The following MORC1 variants were observed in gnomAD, a reference collection of about 807,000 sequenced individuals.
MORC1 encodes MORC family CW-type zinc finger 1.
A neutral mutation model predicts 134.9 loss-of-function variants in MORC1; 59 were observed. That is an observed-to-expected ratio of 0.44 (90% confidence interval 0.35 to 0.54). MORC1 has a LOEUF of 0.54. Among genes scored for constraint, MORC1 ranks in the 20% least tolerant of loss-of-function variants. The probability of loss-of-function intolerance (pLI) is 0.00; values close to 1 mark genes in which losing one functional copy is unlikely to be tolerated. For missense variants in MORC1, 947 were observed against 1,134.5 expected (o/e 0.83, Z 2.37); for synonymous variants, 395 against 391.7 (o/e 1.01, Z -0.10).
At chr3:109,023,622 T>C (rs1432810792) in intron 17 of MORC1, among the ~76,000 whole-genome samples, 2 of 152,146 alleles carry the variant, frequency 1.3e-5, no homozygotes, top group African/African-American at 4.8e-5. Context: ...TGCATGATAA[T>C]GACACAATCA....
At chr3:109,009,495 C>A (rs114135256) in intron 17 of MORC1, among the ~76,000 whole-genome samples, 2 of 152,116 alleles carry the variant, frequency 1.3e-5, no homozygotes, top group Non-Finnish European at 1.5e-5. Context: ...TGAGCCACCA[C>A]GCCTGGCCCT....
intron 13 of MORC1, 94 bp downstream of exon 13, chr3:109,057,249 C>CA (rs1426414212): frequency 1.5e-6 from 2 of 1,302,668 alleles, no homozygotes; most frequent in Non-Finnish European, 2.1e-6. Context: ...CACTTGCTCC[C>CA]ATTGTGATTA....
chr3:109,054,191 G>T (rs1007275455), intron 14 of MORC1, among the ~76,000 whole-genome samples: 33 of 151,220 alleles, frequency 2.2e-4, no homozygotes. Context: ...CTGAGGCAGA[G>T]AATTGCTTGA....
chr3:108,966,252 A>C (rs1559858733), intron 26 of MORC1, among the ~76,000 whole-genome samples: 1 of 152,222 alleles, frequency 6.6e-6, no homozygotes, highest in Non-Finnish European at 1.5e-5. Context: ...GATTTGAAAG[A>C]AAGGATATTT....
chr3:109,014,770 C>A (rs970778023), intron 17 of MORC1, among the ~76,000 whole-genome samples: 1 of 152,176 alleles, frequency 6.6e-6, no homozygotes, highest in Admixed American at 6.5e-5. Context: ...TACACTCTTT[C>A]ATTTTAACAT....
At chr3:108,977,716 A>C (rs1172570554) in intron 24 of MORC1, among the ~76,000 whole-genome samples, 1 of 152,216 alleles carries the variant, frequency 6.6e-6, no homozygotes, top group Middle Eastern at 3.2e-3. Flanking sequence ...GTAACATATC[A>C]GGGTTCAAAT....
intron 19 of MORC1, 63 bp from the exon 20 acceptor site, chr3:109,004,951 A>T: frequency 1.9e-6 from 3 of 1,580,386 alleles, no homozygotes; most frequent in Non-Finnish European, 2.6e-6. Flanking sequence ...GGAAACACAG[A>T]TTGCAATGTA....
chr3:109,085,912 TA>T (rs1950607091), intron 8 of MORC1, among the ~76,000 whole-genome samples: 1 of 152,022 alleles, frequency 6.6e-6, no homozygotes, highest in Non-Finnish European at 1.5e-5. Context: ...TACTCAGCCA[TA>T]AAAAAGTATG....
chr3:108,978,196 T>A (rs981975182), intron 24 of MORC1, among the ~76,000 whole-genome samples: 1 of 152,136 alleles, frequency 6.6e-6, no homozygotes, highest in African/African-American at 2.4e-5. Flanking sequence ...TTCAACCTTA[T>A]AATGCCTGAA....
intron 6 of MORC1, among the ~76,000 whole-genome samples, chr3:109,096,021 A>G (rs1416820684): frequency 2.6e-5 from 4 of 152,192 alleles, no homozygotes; most frequent in Non-Finnish European, 5.9e-5. Flanking sequence ...AAAGTAACTC[A>G]GTGAAAACAG....
At chr3:109,038,876 C>T in intron 14 of MORC1, among the ~76,000 whole-genome samples, 2 of 152,090 alleles carry the variant, frequency 1.3e-5, no homozygotes. Flanking sequence ...TAGCGCGATG[C>T]CTCCAGCTTT....
intron 14 of MORC1, among the ~76,000 whole-genome samples, chr3:109,042,496 G>A (rs1379087940): frequency 1.3e-5 from 2 of 152,150 alleles, no homozygotes; most frequent in Non-Finnish European, 2.9e-5. Context: ...ATGAATTAGT[G>A]TAGCCATTAT....
chr3:108,971,487 G>A, intron 24 of MORC1, 85 bp from the exon 25 acceptor site: 1 of 1,131,148 alleles, frequency 8.8e-7, no homozygotes, highest in South Asian at 1.4e-5. Flanking sequence ...TTGTCTCCTG[G>A]GTATTAAATA....
intron 9 of MORC1, among the ~76,000 whole-genome samples, chr3:109,067,631 T>C (rs1034096227): frequency 3.3e-5 from 5 of 152,144 alleles, no homozygotes; most frequent in Admixed American, 3.3e-4. Flanking sequence ...TATTGATTGA[T>C]CCAGGAGACA....
intron 20 of MORC1, among the ~76,000 whole-genome samples, chr3:109,004,047 G>A (rs541594676): frequency 3.0e-4 from 46 of 152,198 alleles, no homozygotes; most frequent in Non-Finnish European, 5.4e-4. Context: ...CAGCCTGGGC[G>A]ACAGAGCGAG....
At chr3:108,967,860 C>CA (rs994888846) in intron 26 of MORC1, among the ~76,000 whole-genome samples, 2 of 150,496 alleles carry the variant, frequency 1.3e-5, no homozygotes. Flanking sequence ...AGGGGGTGGG[C>CA]AAAAAAAAGT....
chr3:109,029,676 TG>T (rs1246257565), intron 16 of MORC1, among the ~76,000 whole-genome samples: 1 of 152,098 alleles, frequency 6.6e-6, no homozygotes, highest in East Asian at 1.9e-4. Context: ...GTGCTTGAAG[TG>T]GAAAACAAAA....
chr3:108,958,363 A>G lies in MORC1; in HGVS notation c.*602T>C, dbSNP rs1946990286. 1 of 152,070 alleles carries G rather than the reference A, an allele frequency of 6.6e-6. No individual in the cohort carries two copies. Among genetic ancestry groups the G allele is most frequent in the Non-Finnish European group, 1.5e-5 (1 of 67,950 alleles). 9.4% of individuals were successfully genotyped at this position (152,070 alleles called of 1,614,324 possible). A position where few individuals can be genotyped will look rare whatever the true frequency, so the allele number is the denominator to read the frequency against. On this transcript the variant is annotated 3_prime_UTR_variant, in exon 28 of 28. Coordinates refer to ENST00000232603, the MANE Select transcript of MORC1 (RefSeq NM_014429.4). ...CTTCTTTACGTATATGTAAATGTAA[A>G]ACAACAATTTTTACATATGTGTAAT...
intron 16 of MORC1, among the ~76,000 whole-genome samples, chr3:109,028,179 G>A (rs1373530093): frequency 6.6e-6 from 1 of 152,078 alleles, no homozygotes; most frequent in Non-Finnish European, 1.5e-5. Flanking sequence ...ATCATAAAAT[G>A]AGGCCTTTTG....
Sources: gnomAD v4.1 joint callset for allele counts (sites outside exome capture counted in the v4.1 genomes callset) on GRCh38, gnomAD v4.1.1 for gene constraint, MANE v1.5 for transcripts, NCBI Gene and HGNC (gene_info 2026-07-23, HGNC 2026-07-21) for gene names.